The following KCNH1 variants were observed in gnomAD, a reference collection of about 807,000 sequenced individuals.
The protein encoded by KCNH1 is voltage-gated delayed rectifier potassium channel KCNH1.
KCNH1 carries 27 observed loss-of-function variants against 69.2 expected under a neutral mutation model. The ratio of observed to expected loss-of-function variants is 0.39; its 90% confidence interval spans 0.29 to 0.54. The LOEUF (loss-of-function observed/expected upper bound fraction) is 0.54, where lower values mean the gene tolerates loss of function less well. Ranked by LOEUF, KCNH1 falls within the 20% of genes least tolerant of loss-of-function variation. KCNH1 has a pLI of 0.68. For synonymous variants in KCNH1, 456 were observed against 487.7 expected, an observed-to-expected ratio of 0.93 and a Z score of 0.86; for missense variants, 798 against 1,261.6, an observed-to-expected ratio of 0.63 and a Z score of 5.57.
chr1:210,941,844 A>G (rs1391507199), intron 6 of KCNH1, among the ~76,000 whole-genome samples: 1 of 152,176 alleles, frequency 6.6e-6, no homozygotes, highest in African/African-American at 2.4e-5. Context: ...TAGAAGGAGG[A>G]TCAGTATTTT....
At chr1:210,838,203 T>A (rs1263715918) in intron 7 of KCNH1, among the ~76,000 whole-genome samples, 1 of 152,116 alleles carries the variant, frequency 6.6e-6, no homozygotes, top group Admixed American at 6.6e-5. Context: ...GCTACAACCA[T>A]CTGATCTTGG....
intron 9 of KCNH1, among the ~76,000 whole-genome samples, chr1:210,778,524 C>A (rs1186945955): frequency 9.4e-5 from 10 of 106,324 alleles, no homozygotes; most frequent in African/African-American, 3.8e-4. Context: ...GAGCAAGACT[C>A]TGTCTCAAAA....
chr1:210,748,543 C>T lies in KCNH1; in HGVS notation c.2112+26805G>A, dbSNP rs533944092. 2.4e-4 allele frequency among the ~76,000 whole-genome samples: 36 copies of T among 152,284 alleles called. 1 individual carries two copies. The East Asian group carries it at 4.0e-3, about 17-fold the overall frequency. On this transcript the variant is annotated intron_variant, in intron 10 of 10. Transcript: ENST00000271751. Reference sequence around the variant, plus strand: ...GATAATAAAAAGAACCAATATTCAACGTTATGGTACTATGGAAGCTACATA... The same window carrying T: ...GATAATAAAAAGAACCAATATTCAATGTTATGGTACTATGGAAGCTACATA...
At chr1:210,882,309 C>T (rs1390401910) in intron 7 of KCNH1, among the ~76,000 whole-genome samples, 1 of 152,090 alleles carries the variant, frequency 6.6e-6, no homozygotes, top group Non-Finnish European at 1.5e-5. Context: ...AAGCAATATT[C>T]CTCAAATGGA....
intron 5 of KCNH1, among the ~76,000 whole-genome samples, chr1:211,044,957 A>G (rs1458435743): frequency 6.7e-6 from 1 of 149,788 alleles, no homozygotes; most frequent in Non-Finnish European, 1.5e-5. Flanking sequence ...GCACACACAC[A>G]TATTTATAGC....
intron 7 of KCNH1, among the ~76,000 whole-genome samples, chr1:210,844,374 T>C (rs904747639): frequency 6.6e-6 from 1 of 151,972 alleles, no homozygotes. Context: ...TACAAAAAAA[T>C]TAGCTGGGCA....
At chr1:210,697,201 T>G (rs1266591573) in intron 10 of KCNH1, among the ~76,000 whole-genome samples, 1 of 152,156 alleles carries the variant, frequency 6.6e-6, no homozygotes, top group Non-Finnish European at 1.5e-5. Flanking sequence ...AATTCATGCT[T>G]CTTTGCTTGG....
chr1:210,822,480 T>A (rs1684949483), intron 7 of KCNH1, among the ~76,000 whole-genome samples: 2 of 152,170 alleles, frequency 1.3e-5, no homozygotes, highest in African/African-American at 4.8e-5. Flanking sequence ...CTCAATTATT[T>A]CCACCATTTA....
chr1:210,843,865 T>A (rs1236444532), intron 7 of KCNH1, among the ~76,000 whole-genome samples: 1 of 152,202 alleles, frequency 6.6e-6, no homozygotes, highest in African/African-American at 2.4e-5. Flanking sequence ...CATACAACTC[T>A]GCTTCAGAAA....
At chr1:210,878,594 T>A (rs1233195962) in intron 7 of KCNH1, among the ~76,000 whole-genome samples, 7 of 151,590 alleles carry the variant, frequency 4.6e-5, no homozygotes, top group Non-Finnish European at 8.8e-5. Context: ...AAACTAAATT[T>A]AAAAAAAACA....
intron 5 of KCNH1, among the ~76,000 whole-genome samples, chr1:211,078,137 A>C (rs1469512487): frequency 6.6e-6 from 1 of 152,182 alleles, no homozygotes; most frequent in Non-Finnish European, 1.5e-5. Flanking sequence ...TAGAGACCTT[A>C]AAAGAGACTT....
intron 7 of KCNH1, among the ~76,000 whole-genome samples, chr1:210,883,409 C>T (rs1176445529): frequency 6.6e-6 from 1 of 152,200 alleles, no homozygotes; most frequent in Non-Finnish European, 1.5e-5. Context: ...TCTATGAACA[C>T]ATTCTTGGCA....
rs1304810583 is a variant in KCNH1, at chr1:211,092,826, C to A, written c.311-2136G>T. On this transcript the variant is annotated intron_variant, in intron 3 of 10. Transcript: ENST00000271751. ...GCAAAAACACACAAATCAAAAAAAACCTTTTTTTTTTTGCTCTAAAAAAAT... is the reference window on the plus strand; with the variant it reads ...GCAAAAACACACAAATCAAAAAAAAACTTTTTTTTTTTGCTCTAAAAAAAT... Among the ~76,000 whole-genome samples, 9 of 139,854 alleles carry A rather than the reference C, an allele frequency of 6.4e-5. No individual in the cohort carries two copies. The East Asian group carries it at 9.9e-4, about 15-fold the overall frequency. 91.7% of individuals were successfully genotyped at this position (139,854 alleles called of 152,430 possible). A position where few individuals can be genotyped will look rare whatever the true frequency, so the allele number is the denominator to read the frequency against.
intron 5 of KCNH1, among the ~76,000 whole-genome samples, chr1:211,036,966 C>T (rs1004290647): frequency 1.3e-5 from 2 of 152,146 alleles, no homozygotes; most frequent in Non-Finnish European, 2.9e-5. Context: ...AGAGGAAGTG[C>T]TCATTAAAGG....
chr1:211,080,500 A>G (rs1313968105), intron 5 of KCNH1, among the ~76,000 whole-genome samples: 6 of 152,188 alleles, frequency 3.9e-5, no homozygotes, highest in African/African-American at 1.4e-4. Context: ...AAAAGAGCCC[A>G]TATTGCCAAG....
At chr1:211,031,548 A>G (rs2102423272) in intron 5 of KCNH1, among the ~76,000 whole-genome samples, 1 of 152,340 alleles carries the variant, frequency 6.6e-6, no homozygotes, top group Non-Finnish European at 1.5e-5. Flanking sequence ...ATCCATGATC[A>G]TGATCATGAA....
chr1:210,974,690 A>G (rs1558548846), intron 6 of KCNH1, among the ~76,000 whole-genome samples: 1 of 151,464 alleles, frequency 6.6e-6, no homozygotes, highest in Non-Finnish European at 1.5e-5. Flanking sequence ...CAGCCTCCCA[A>G]GTAGCTGGGA....
intron 7 of KCNH1, among the ~76,000 whole-genome samples, chr1:210,807,711 A>G (rs1684613978): frequency 6.6e-6 from 1 of 152,194 alleles, no homozygotes; most frequent in African/African-American, 2.4e-5. Flanking sequence ...TTTTTAACTC[A>G]TCAAAATCTT....
chr1:211,012,925 T>G (rs116346706), intron 6 of KCNH1, among the ~76,000 whole-genome samples: 39 of 152,260 alleles, frequency 2.6e-4, no homozygotes, highest in African/African-American at 8.4e-4. Flanking sequence ...ACTGCATTTT[T>G]CTATAAACTA....
Sources: allele counts gnomAD v4.1 joint callset (sites outside exome capture counted in the v4.1 genomes callset), GRCh38; gene constraint gnomAD v4.1.1; transcripts MANE v1.5; gene names NCBI Gene and HGNC (gene_info 2026-07-23, HGNC 2026-07-21).